The following RBM26 variants were observed in gnomAD, a reference collection of about 807,000 sequenced individuals.
RBM26 encodes RNA-binding protein 26.
Under a neutral mutation model 123.6 loss-of-function variants are expected in RBM26, and 30 were observed. That is an observed-to-expected ratio of 0.24 (90% CI 0.18 to 0.33). The LOEUF (loss-of-function observed/expected upper bound fraction) is 0.33, where lower values mean the gene tolerates loss of function less well. RBM26 is among the 10% of genes least tolerant of loss of function. RBM26 has a pLI of 1.00. For missense variants in RBM26, 947 were observed against 1,203.6 expected (o/e 0.79, Z 3.15); for synonymous variants, 400 against 404.4 (o/e 0.99, Z 0.13).
chr13:79,395,679 A>C (rs1410314023), intron 1 of RBM26, among the ~76,000 whole-genome samples: 1 of 152,186 alleles, frequency 6.6e-6, no homozygotes, highest in Non-Finnish European at 1.5e-5. Flanking sequence ...CAGGAGGTCC[A>C]GTCCGCAATG....
At chr13:79,403,537 A>G (rs1374433065) in intron 1 of RBM26, among the ~76,000 whole-genome samples, 2 of 152,250 alleles carry the variant, frequency 1.3e-5, no homozygotes, top group East Asian at 1.9e-4. Flanking sequence ...CAAAACATTT[A>G]TAAGTTTTGT....
chr13:79,381,796 T>C (rs2077090674), intron 1 of RBM26, among the ~76,000 whole-genome samples: 1 of 152,048 alleles, frequency 6.6e-6, no homozygotes, highest in South Asian at 2.1e-4. Context: ...AGAAGCAATC[T>C]GAACTGAATA....
At chr13:79,340,875 T>G (rs2071262732) in intron 18 of RBM26, among the ~76,000 whole-genome samples, 1 of 151,904 alleles carries the variant, frequency 6.6e-6, no homozygotes, top group African/African-American at 2.4e-5. Flanking sequence ...ATAAAATTCA[T>G]TAGAAATGGA....
At chr13:79,395,988 T>C (rs2078527228) in intron 1 of RBM26, among the ~76,000 whole-genome samples, 2 of 152,110 alleles carry the variant, frequency 1.3e-5, no homozygotes, top group South Asian at 2.1e-4. Flanking sequence ...CAGATCCAAA[T>C]TGGCAAATCT....
At chr13:79,376,686 A>G (rs1303829220) in intron 3 of RBM26, 1 of 152,198 alleles carries the variant, frequency 6.6e-6, no homozygotes, top group African/African-American at 2.4e-5. Context: ...GTCCCCTACT[A>G]AATACATGTA....
chr13:79,320,806 G>A, intron 21 of RBM26, 96 bp from the exon 22 acceptor site: 1 of 1,255,944 alleles, frequency 8.0e-7, no homozygotes, highest in Non-Finnish European at 1.0e-6. Context: ...TCTCAACAGA[G>A]TTGAATACAA....
intron 20 of RBM26, among the ~76,000 whole-genome samples, chr13:79,324,277 A>G (rs996192315): frequency 6.6e-6 from 1 of 151,900 alleles, no homozygotes; most frequent in Non-Finnish European, 1.5e-5. Context: ...CTTCATGGTT[A>G]AATTATTAAC....
At chr13:79,393,759 A>G (rs2078305818) in intron 1 of RBM26, among the ~76,000 whole-genome samples, 1 of 152,188 alleles carries the variant, frequency 6.6e-6, no homozygotes, top group Non-Finnish European at 1.5e-5. Context: ...GTCTGCACCG[A>G]GTGGACCTGA....
At chr13:79,358,491 C>A in intron 10 of RBM26, 58 bp from the exon 11 acceptor site, 2 of 1,333,194 alleles carry the variant, frequency 1.5e-6, no homozygotes, top group Non-Finnish European at 2.1e-6. Flanking sequence ...TAACCAAATA[C>A]AAGGGAATAA....
At chr13:79,375,077 GATATATATAAATATATATTTAT>G (rs2076529417) in intron 3 of RBM26, among the ~76,000 whole-genome samples, 1 of 86,896 alleles carries the variant, frequency 1.2e-5, no homozygotes, top group South Asian at 2.9e-4. Context: ...ATATTTATAT[GATATATATAAATATATATTTAT>G]ATATATCATA....
intron 1 of RBM26, among the ~76,000 whole-genome samples, chr13:79,382,368 T>C (rs2077131452): frequency 6.6e-6 from 1 of 152,158 alleles, no homozygotes; most frequent in South Asian, 2.1e-4. Flanking sequence ...ACCCCTGCTA[T>C]ATACTGCTAG....
chr13:79,368,613 G>C, intron 6 of RBM26, 117 bp downstream of exon 6: 2 of 929,882 alleles, frequency 2.2e-6, no homozygotes, highest in Non-Finnish European at 3.3e-6. Flanking sequence ...AAGTGACTAA[G>C]GCTAATTTCC....
At chr13:79,364,585 T>A (rs929936250) in intron 9 of RBM26, among the ~76,000 whole-genome samples, 7 of 152,202 alleles carry the variant, frequency 4.6e-5, no homozygotes, top group African/African-American at 1.4e-4. Flanking sequence ...TTTCCCTATA[T>A]CAAATGTGAT....
At chr13:79,374,359 G>C (rs1566513908) in intron 3 of RBM26, among the ~76,000 whole-genome samples, 1 of 151,914 alleles carries the variant, frequency 6.6e-6, no homozygotes, top group Non-Finnish European at 1.5e-5. Flanking sequence ...ATCCCAAAAG[G>C]GGATTACAGG....
chr13:79,344,251 C>T lies in RBM26; in HGVS notation c.2256G>A (p.Gln752=), dbSNP rs1490128814. 2 of 1,597,950 alleles carry T rather than the reference C, an allele frequency of 1.3e-6. No individual in the cohort carries two copies. The highest frequency in any genetic ancestry group is 1.7e-5 in the Admixed American group (1 of 59,958). The change falls in exon 16 of 22, where the codon CAG becomes CAA. Residue 752 remains glutamine (Q), a synonymous_variant. Coordinates refer to ENST00000438737, the MANE Select transcript of RBM26 (RefSeq NM_001366735.2). The part of the protein sequence containing the change: ...QEILEKHIET[Q]KMLISKLEKN... The stretch of plus-strand genomic sequence containing the variant: ...AAATCTAACTTTAACATTTTACCTT[C>T]TGTGTTTCAATGTGCTTTTCTAAAA...
intron 1 of RBM26, among the ~76,000 whole-genome samples, chr13:79,384,684 T>C (rs1052812659): frequency 6.6e-6 from 1 of 152,128 alleles, no homozygotes; most frequent in African/African-American, 2.4e-5. Context: ...GAGAGGGAAG[T>C]ACACACACTA....
intron 14 of RBM26, among the ~76,000 whole-genome samples, chr13:79,345,084 A>C (rs1411468712): frequency 6.6e-6 from 1 of 152,228 alleles, no homozygotes; most frequent in Non-Finnish European, 1.5e-5. Context: ...TACATCACTG[A>C]GAAAGCATTA....
Position 79,368,900 on chromosome 13 carries a change from G to T in RBM26, c.725C>A (p.Ser242Ter). 6.2e-7 allele frequency: 1 copy of T among 1,612,520 alleles called. No individual in the cohort carries two copies. ...YTPVSSVPSI[S>*]SGHYPVPTLS... ...AGTAGGTACAGGGTAGTGGCCAGAT[G>T]AAATACTAGGTACCGAAGAGACTGG... is the stretch of plus-strand genomic sequence containing the variant. Residue 242 changes from serine (S) to a stop codon, truncating the protein, a stop_gained, in exon 6 of 22, where the codon TCA becomes TAA. Coordinates refer to ENST00000438737, the MANE Select transcript of RBM26 (RefSeq NM_001366735.2). LOFTEE classifies it high-confidence loss of function.
exon 5 of RBM26, chr13:79,313,252 C>T (rs1366949588): frequency 6.6e-6 from 1 of 151,798 alleles, no homozygotes; most frequent in African/African-American, 2.4e-5. Flanking sequence ...AAATATGTAA[C>T]TGACTAGATC....
Sources: allele counts gnomAD v4.1 joint callset (sites outside exome capture counted in the v4.1 genomes callset), GRCh38; gene constraint gnomAD v4.1.1; transcripts MANE v1.5; gene names NCBI Gene and HGNC (gene_info 2026-07-23, HGNC 2026-07-21).